Variants in DCBLD2 observed in about 807,000 individuals in gnomAD.
The protein encoded by DCBLD2 is discoidin, CUB and LCCL domain containing 2.
Under a neutral mutation model 86.8 loss-of-function variants are expected in DCBLD2, and 54 were observed. That is an observed-to-expected ratio of 0.62 (90% CI 0.50 to 0.78). The LOEUF is 0.78. Ranked by LOEUF, DCBLD2 falls within the 30% of genes least tolerant of loss-of-function variation. DCBLD2 has a pLI of 0.00. For synonymous variants in DCBLD2, 354 were observed against 341.3 expected (o/e 1.04, Z -0.41); for missense variants, 908 against 954.2 (o/e 0.95, Z 0.64).
intron 2 of DCBLD2, among the ~76,000 whole-genome samples, chr3:98,857,159 G>A (rs1267787172): frequency 6.6e-6 from 1 of 152,144 alleles, no homozygotes; most frequent in African/African-American, 2.4e-5. Context: ...GAGTGTTACA[G>A]CTCTTAAGGC....
Position 98,819,346 on chromosome 3 carries a change from C to T in DCBLD2, c.943G>A (p.Glu315Lys), listed in dbSNP as rs1472638843. 26 of 1,613,782 alleles carry T rather than the reference C, an allele frequency of 1.6e-5. No homozygotes were observed. Among genetic ancestry groups the T allele is most frequent in the Non-Finnish European group, 2.1e-5 (25 of 1,179,772 alleles). Residue 315 changes from glutamate to lysine, a missense_variant, in exon 8 of 16, where the codon GAG becomes AAG. Coordinates refer to ENST00000326840, the MANE Select transcript of DCBLD2 (RefSeq NM_080927.4). ...TCTTGCCCTGTGTGGTCAGTCCACT[C>T]CAGCACAGATGATGCTGTTATTTGA... ...DPQITASSVL[E>K]WTDHTGQENS... is the part of the protein sequence containing the mutation.
chr3:98,885,221 A>T lies in DCBLD2; in HGVS notation c.206-3454T>A, dbSNP rs566525676. 5.6e-4 allele frequency among the ~76,000 whole-genome samples: 86 copies of T among 152,286 alleles called. 2 individuals carry two copies. The highest frequency in any genetic ancestry group is 9.6e-4 in the Non-Finnish European group (65 of 68,004). On this transcript the variant is annotated intron_variant, in intron 1 of 15. Transcript: ENST00000326840. ...TCAGAGCTTCCTCCTCTTGCAAGCA[A>T]GATGATATGCACCAGAAACTAAAGT...
intron 2 of DCBLD2, among the ~76,000 whole-genome samples, chr3:98,866,315 C>T (rs1445194066): frequency 6.6e-6 from 1 of 152,192 alleles, no homozygotes; most frequent in Non-Finnish European, 1.5e-5. Flanking sequence ...AACTAGTTTA[C>T]ACTCCCACCA....
At chr3:98,893,678 A>C (rs941048398) in intron 1 of DCBLD2, among the ~76,000 whole-genome samples, 3 of 152,190 alleles carry the variant, frequency 2.0e-5, no homozygotes, top group African/African-American at 7.2e-5. Context: ...GAAAAAAGAG[A>C]TATGTAAAAG....
Position 98,820,305 on chromosome 3 carries a change from T to G in DCBLD2, c.831-17A>C, listed in dbSNP as rs190573901. On this transcript the variant is annotated splice_polypyrimidine_tract_variant and intron_variant, in intron 6 of 15. Transcript: ENST00000326840. ...AAGTGTCCCCTGAAAGAGAGAAGGG[T>G]TTTTTTTGGTGATACTCACATAACA... 4 of 1,437,976 alleles carry G rather than the reference T, an allele frequency of 2.8e-6. No homozygotes were observed. Among genetic ancestry groups the G allele is most frequent in the African/African-American group, 1.5e-5 (1 of 68,586 alleles). 89.1% of individuals were successfully genotyped at this position (1,437,976 alleles called of 1,614,324 possible). A position where few individuals can be genotyped will look rare whatever the true frequency, so the allele number is the denominator to read the frequency against.
intron 8 of DCBLD2, among the ~76,000 whole-genome samples, chr3:98,818,641 G>A (rs773647498): frequency 6.6e-6 from 1 of 152,112 alleles, no homozygotes; most frequent in East Asian, 1.9e-4. Context: ...AATCTGGGTC[G>A]GCACCATTTA....
At chr3:98,814,899 G>GAAGGGA (rs1376692655) in intron 9 of DCBLD2, 1 of 152,256 alleles carries the variant, frequency 6.6e-6, no homozygotes, top group Non-Finnish European at 1.5e-5. Context: ...ATGACGGAAA[G>GAAGGGA]AAGGGAAACA....
chr3:98,881,483 A>C, intron 2 of DCBLD2, 57 bp downstream of exon 2: 1 of 1,470,972 alleles, frequency 6.8e-7, no homozygotes, highest in Non-Finnish European at 9.5e-7. Context: ...ATATCAAAAA[A>C]ATACATCATT....
At chr3:98,867,912 C>T (rs1247701391) in intron 2 of DCBLD2, among the ~76,000 whole-genome samples, 6 of 151,912 alleles carry the variant, frequency 3.9e-5, no homozygotes, top group Non-Finnish European at 7.4e-5. Flanking sequence ...ATGCCATTCT[C>T]CTGCCTCAGC....
chr3:98,804,961 C>T (rs920603629), intron 13 of DCBLD2: 7 of 152,274 alleles, frequency 4.6e-5, no homozygotes, highest in African/African-American at 1.7e-4. Context: ...GCTTTACTTT[C>T]AACTATGTGG....
chr3:98,834,744 T>C (rs567517187), intron 3 of DCBLD2, among the ~76,000 whole-genome samples: 1 of 152,290 alleles, frequency 6.6e-6, no homozygotes, highest in East Asian at 1.9e-4. Flanking sequence ...TTGTGAATAG[T>C]GCTGCGATAA....
Position 98,822,738 on chromosome 3 carries a change from C to T in DCBLD2, c.627G>A (p.Lys209=), listed in dbSNP as rs1942146518. ...ASNFLEPEFS[K]YCPAGCLLPF... ...GAAGCAGACAACCAGCTGGGCAGTA[C>T]TTACTGAGAAATGAAAACAAGCAAA... The change falls in exon 5 of 16, where the codon AAG becomes AAA. Residue 209 remains lysine, a synonymous_variant. Coordinates refer to ENST00000326840, the MANE Select transcript of DCBLD2 (RefSeq NM_080927.4). 1 of 1,589,550 alleles carries T rather than the reference C, an allele frequency of 6.3e-7. No individual in the cohort carries two copies.
intron 1 of DCBLD2, among the ~76,000 whole-genome samples, chr3:98,896,767 A>G (rs10935518): frequency 0.16 from 25,109 of 152,192 alleles, 2,155 homozygotes; most frequent in African/African-American, 0.22. Context: ...TCCAGGAGCC[A>G]CATCAGAAAA....
At chr3:98,810,578 T>C (rs1339762714) in intron 12 of DCBLD2, among the ~76,000 whole-genome samples, 1 of 152,208 alleles carries the variant, frequency 6.6e-6, no homozygotes, top group Non-Finnish European at 1.5e-5. Flanking sequence ...ATTTTGTTTT[T>C]CAACAACTAG....
At chr3:98,826,829 G>A (rs1467420604) in intron 3 of DCBLD2, among the ~76,000 whole-genome samples, 1 of 152,168 alleles carries the variant, frequency 6.6e-6, no homozygotes, top group Non-Finnish European at 1.5e-5. Flanking sequence ...ACAAAAGTAA[G>A]TGATTTTACA....
chr3:98,901,423 G>A lies in DCBLD2; in HGVS notation c.-97C>T, dbSNP rs531115996. 1,688 of 1,211,300 alleles carry A rather than the reference G, an allele frequency of 1.4e-3. 14 individuals carry two copies. Among genetic ancestry groups the A allele is most frequent in the Middle Eastern group, 8.4e-3 (27 of 3,198 alleles). The allele number at this position is 1,211,300 out of a possible 1,614,324, so 75.0% of individuals were successfully genotyped here. A position where few individuals can be genotyped will look rare whatever the true frequency, so the allele number is the denominator to read the frequency against. On this transcript the variant is annotated 5_prime_UTR_variant, in exon 1 of 16. Transcript: ENST00000326840. Reference sequence around the variant, plus strand: ...CGACCAGGAGACGGCGGCAGCGGCGGGAGAACAAGAGGCAGCCCTCGCCTC... The same window carrying A: ...CGACCAGGAGACGGCGGCAGCGGCGAGAGAACAAGAGGCAGCCCTCGCCTC...
chr3:98,874,306 C>A (rs1943330576), intron 2 of DCBLD2, among the ~76,000 whole-genome samples: 1 of 152,116 alleles, frequency 6.6e-6, no homozygotes, highest in African/African-American at 2.4e-5. Context: ...TAATATCACA[C>A]CAATATTTAT....
chr3:98,809,326 C>A (rs1941893668), intron 12 of DCBLD2, among the ~76,000 whole-genome samples: 1 of 122,262 alleles, frequency 8.2e-6, no homozygotes, highest in Non-Finnish European at 1.8e-5. Flanking sequence ...ATGAGTCTAA[C>A]CTGCACCATC....
At chr3:98,804,495 C>A (rs1941793260) in intron 13 of DCBLD2, among the ~76,000 whole-genome samples, 1 of 152,100 alleles carries the variant, frequency 6.6e-6, no homozygotes, top group Non-Finnish European at 1.5e-5. Context: ...TTCAAAAAAC[C>A]AGCTCCTGGA....
Sources: allele counts gnomAD v4.1 joint callset (sites outside exome capture counted in the v4.1 genomes callset), GRCh38; gene constraint gnomAD v4.1.1; transcripts MANE v1.5; gene names NCBI Gene and HGNC (gene_info 2026-07-23, HGNC 2026-07-21).